The following TEX14 variants were observed in gnomAD, a reference collection of about 807,000 sequenced individuals.
TEX14 encodes inactive serine/threonine-protein kinase TEX14.
In TEX14, 168 loss-of-function variants were observed where a neutral mutation model predicts 178.6. The observed-to-expected ratio is 0.94, with a 90% CI of 0.83 to 1.07. The LOEUF (loss-of-function observed/expected upper bound fraction) is 1.07. Ranked by LOEUF, TEX14 falls within the 50% of genes least tolerant of loss-of-function variation. The pLI, the probability that TEX14 is intolerant of heterozygous loss-of-function variation, is 0.00. For missense variants in TEX14, 1,730 were observed against 1,753.6 expected (o/e 0.99, Z 0.24); for synonymous variants, 626 against 634.1 (o/e 0.99, Z 0.19).
rs1239156264 is a variant in TEX14, at chr17:58,613,088, GC to G, written c.1005+332del. Among the ~76,000 whole-genome samples, 9 of 152,050 alleles carry G rather than the reference GC, an allele frequency of 5.9e-5. No homozygotes were observed. In the East Asian group the frequency reaches 1.7e-3, roughly 30 times the overall value. On this transcript the variant is annotated intron_variant, in intron 9 of 31. Coordinates refer to ENST00000349033, the MANE Select transcript of TEX14 (RefSeq NM_031272.5). Reference sequence around the variant, plus strand: ...ATAGTGGCAGGCGCCTGTAGTTCCAGCTACTCGGGAGGCTGAGGCAGGAGAA... The same window carrying G: ...ATAGTGGCAGGCGCCTGTAGTTCCAGTACTCGGGAGGCTGAGGCAGGAGAA...
In TEX14 at chr17:58,602,382, A is replaced by G; in HGVS notation, c.1527+18T>C. The G allele has an allele frequency of 6.3e-7, 1 of 1,594,044 alleles. No homozygotes were observed. Among genetic ancestry groups the G allele is most frequent in the South Asian group, 1.1e-5 (1 of 88,918 alleles). On this transcript the variant is annotated intron_variant, in intron 12 of 31. Transcript: ENST00000349033. ...GTTAGGTAAGCAGAAATAAACTCCC[A>G]ACAACTTCAGGGCTTGCCTTTAAGT... is the stretch of plus-strand genomic sequence containing the variant.
At chr17:58,640,953 C>T (rs970039868) in intron 2 of TEX14, among the ~76,000 whole-genome samples, 1 of 152,086 alleles carries the variant, frequency 6.6e-6, no homozygotes, top group Non-Finnish European at 1.5e-5. Context: ...CTTCTCAGCT[C>T]AACTGATCCA....
At position 58,639,970 on chromosome 17, in the gene TEX14, C is replaced by T. The variant is rs953149695; in HGVS notation, c.137-9416G>A. Among the ~76,000 whole-genome samples, 5 of 152,230 alleles carry T rather than the reference C, an allele frequency of 3.3e-5. No homozygotes were observed. In the East Asian group the frequency reaches 5.8e-4, roughly 18 times the overall value. ...AGATAAAGATGTTTGGTGAATTTGACGTCATTTCTTCCCTGAACAAATATT... is the reference window on the plus strand; with the variant it reads ...AGATAAAGATGTTTGGTGAATTTGATGTCATTTCTTCCCTGAACAAATATT... On this transcript the variant is annotated intron_variant, in intron 2 of 31. Coordinates refer to ENST00000349033, the MANE Select transcript of TEX14 (RefSeq NM_031272.5).
At chr17:58,570,553 A>G (rs2044498326) in intron 24 of TEX14, 69 bp from the exon 25 acceptor site, 2 of 1,081,922 alleles carry the variant, frequency 1.8e-6, no homozygotes, top group East Asian at 3.1e-5. Context: ...CAGCTCAGTC[A>G]TTTCCAGTTG....
intron 1 of TEX14, among the ~76,000 whole-genome samples, chr17:58,672,064 C>G (rs1365924780): frequency 6.6e-6 from 1 of 152,172 alleles, no homozygotes; most frequent in Admixed American, 6.5e-5. Context: ...TCCACCTCAG[C>G]TCATCAGGCA....
chr17:58,663,103 C>T (rs1478478731), intron 1 of TEX14, among the ~76,000 whole-genome samples: 2 of 142,154 alleles, frequency 1.4e-5, no homozygotes, highest in Non-Finnish European at 3.0e-5. Flanking sequence ...AGTGAGACTC[C>T]GTCTCAAAAA....
chr17:58,627,892 G>A (rs1216456597), intron 3 of TEX14, among the ~76,000 whole-genome samples: 2 of 148,202 alleles, frequency 1.3e-5, no homozygotes, highest in Non-Finnish European at 3.0e-5. Context: ...CAAACATCAG[G>A]TGAGCCAGCC....
chr17:58,601,521 CA>C lies in TEX14; in HGVS notation c.1678+284del, dbSNP rs1198529874. 5.6e-3 allele frequency among the ~76,000 whole-genome samples: 559 copies of C among 99,752 alleles called. 1 individual carries two copies. Among genetic ancestry groups the C allele is most frequent in the African/African-American group, 0.014 (378 of 27,118 alleles). The allele number at this position is 99,752 out of a possible 152,430, so 65.4% of individuals were successfully genotyped here. A position where few individuals can be genotyped will look rare whatever the true frequency, so the allele number is the denominator to read the frequency against. Reference sequence around the variant, plus strand: ...TGGGCAACAGAGCAAGATTCCATCTCAAAAAAAAAAAAAAAGAAAAAAATTA... The same window carrying C: ...TGGGCAACAGAGCAAGATTCCATCTCAAAAAAAAAAAAAAGAAAAAAATTA... On this transcript the variant is annotated intron_variant, in intron 13 of 31. Transcript: ENST00000349033.
chr17:58,568,983 A>G (rs2044463094), intron 26 of TEX14, among the ~76,000 whole-genome samples: 1 of 152,152 alleles, frequency 6.6e-6, no homozygotes, highest in South Asian at 2.1e-4. Context: ...GACAACTGAC[A>G]CAAGCCAATC....
chr17:58,572,897 A>G (rs2044571810), intron 23 of TEX14, among the ~76,000 whole-genome samples: 2 of 152,266 alleles, frequency 1.3e-5, no homozygotes, highest in South Asian at 4.1e-4. Context: ...TACAAAGCTC[A>G]ATGTTTTTGT....
intron 1 of TEX14, chr17:58,659,235 T>TCCCAAAAAAAA: frequency 2.0e-6 from 1 of 493,452 alleles, no homozygotes; most frequent in Non-Finnish European, 2.6e-6. Context: ...AGCAAACACA[T>TCCCAAAAAAAA]AGTAAAAACC....
intron 1 of TEX14, among the ~76,000 whole-genome samples, chr17:58,677,946 T>G (rs1264480114): frequency 1.3e-5 from 2 of 152,118 alleles, no homozygotes; most frequent in Non-Finnish European, 2.9e-5. Context: ...GGTCAGGAGT[T>G]CAAGACCAGC....
At chr17:58,683,479 T>C (rs1290187824) in intron 1 of TEX14, among the ~76,000 whole-genome samples, 1 of 149,328 alleles carries the variant, frequency 6.7e-6, no homozygotes. Context: ...AGAGACAGAA[T>C]TGGCCAGGTG....
At chr17:58,637,964 C>G (rs146239140) in intron 2 of TEX14, among the ~76,000 whole-genome samples, 5,346 of 151,106 alleles carry the variant, frequency 0.035, 149 homozygotes, top group East Asian at 0.079. Context: ...CAGGTTCAAG[C>G]AATTCTCCTG....
At chr17:58,655,810 A>G (rs1234571639) in intron 1 of TEX14, among the ~76,000 whole-genome samples, 2 of 152,186 alleles carry the variant, frequency 1.3e-5, no homozygotes, top group South Asian at 2.1e-4. Flanking sequence ...CCTTAGGCGC[A>G]TAAGCTGGCT....
At chr17:58,655,262 C>G (rs1258909050) in intron 1 of TEX14, among the ~76,000 whole-genome samples, 1 of 152,058 alleles carries the variant, frequency 6.6e-6, no homozygotes, top group Non-Finnish European at 1.5e-5. Context: ...CAGCTCACCA[C>G]AACCTCCGCC....
At chr17:58,665,413 C>T (rs1878710084) in intron 1 of TEX14, among the ~76,000 whole-genome samples, 1 of 151,294 alleles carries the variant, frequency 6.6e-6, no homozygotes, top group South Asian at 2.1e-4. Context: ...TCAGCCTGAC[C>T]AACTTGCCTA....
chr17:58,593,825 G>A (rs1438616627), intron 14 of TEX14, among the ~76,000 whole-genome samples, 164 bp from the exon 15 acceptor site: 1 of 151,966 alleles, frequency 6.6e-6, no homozygotes, highest in African/African-American at 2.4e-5. Flanking sequence ...CTCTTATCTG[G>A]AGGTCTTTTT....
chr17:58,673,473 A>C (rs1007434898), intron 1 of TEX14, among the ~76,000 whole-genome samples: 1 of 140,064 alleles, frequency 7.1e-6, no homozygotes, highest in African/African-American at 2.7e-5. Flanking sequence ...ACAGAGTGAG[A>C]CTCCATCTCA....
Sources: gnomAD v4.1 joint callset for allele counts (sites outside exome capture counted in the v4.1 genomes callset) on GRCh38, gnomAD v4.1.1 for gene constraint, MANE v1.5 for transcripts, NCBI Gene and HGNC (gene_info 2026-07-23, HGNC 2026-07-21) for gene names.